MRPL43: variants seen among roughly 807,000 people sequenced by gnomAD.
MRPL43 encodes large ribosomal subunit protein mL43.
In MRPL43, 9 loss-of-function variants were observed where a neutral mutation model predicts 12.7. The observed-to-expected ratio is 0.71, with a 90% CI of 0.43 to 1.24. MRPL43 has a LOEUF of 1.24. Among genes scored for constraint, MRPL43 ranks in the 50% most tolerant of loss-of-function variants. MRPL43 has a pLI of 0.00. For missense variants in MRPL43, 211 were observed against 229.2 expected (o/e 0.92, Z 0.51); for synonymous variants, 116 against 96.4 (o/e 1.20, Z -1.19).
At chr10:100,980,883 G>A (rs147992447), downstream of MRPL43, 1,168 of 1,610,152 alleles carry the variant, frequency 7.3e-4, 3 homozygotes, top group Non-Finnish European at 7.8e-4. Flanking sequence ...AGCTGCTCCC[G>A]CTACCGATCC....
At chr10:100,982,800 A>G (rs921060743), downstream of MRPL43, among the ~76,000 whole-genome samples, 9 of 152,348 alleles carry the variant, frequency 5.9e-5, no homozygotes, top group Admixed American at 4.6e-4. Context: ...TCAAAAAAAC[A>G]AAACAAAACA....
At chr10:100,981,791 C>A (rs1313019439), downstream of MRPL43, among the ~76,000 whole-genome samples, 2 of 152,164 alleles carry the variant, frequency 1.3e-5, no homozygotes, top group African/African-American at 4.8e-5. Context: ...AGTACAGTGG[C>A]TCACGCCTGT....
At chr10:100,984,018 A>G (rs962140588), downstream of MRPL43, 2 of 1,613,430 alleles carry the variant, frequency 1.2e-6, no homozygotes, top group African/African-American at 2.7e-5. Context: ...TCTGAGGCAG[A>G]GCAACAATGG....
downstream of MRPL43, chr10:100,983,740 G>T (rs527848892): frequency 6.2e-7 from 1 of 1,613,008 alleles, no homozygotes; most frequent in Non-Finnish European, 8.5e-7. Flanking sequence ...CGAGGGCGCC[G>T]ACGGAAATAC....
rs1162597481 is a variant in MRPL43, at chr10:100,987,165, C to T, written c.163G>A (p.Ala55Thr). The change falls in exon 2 of 3, where the codon GCC becomes ACC. Residue 55 changes from alanine to threonine, a missense_variant. Ala to Thr is a moderately conservative substitution (Grantham distance 58, BLOSUM62 0). Transcript: ENST00000318364. The part of the protein sequence containing the change: ...EFVEREVIDF[A>T]RRNPGVVIYV... The stretch of plus-strand genomic sequence containing the variant: ...ATTACGACCCCTGGATTCCGTCGGG[C>T]GAAGTCGATCACCTCCCGCTCCACG... 5 of 1,613,764 alleles carry T rather than the reference C, an allele frequency of 3.1e-6. No individual in the cohort carries two copies. Among genetic ancestry groups the T allele is most frequent in the Non-Finnish European group, 4.2e-6 (5 of 1,180,042 alleles).
At chr10:100,986,056 G>A (rs1374399301), downstream of MRPL43, among the ~76,000 whole-genome samples, 1 of 152,198 alleles carries the variant, frequency 6.6e-6, no homozygotes, top group Non-Finnish European at 1.5e-5. Flanking sequence ...GGACGTGGGG[G>A]GAAGGAGATG....
chr10:100,983,405 C>A, downstream of MRPL43: 12 of 1,612,406 alleles, frequency 7.4e-6, no homozygotes, highest in Non-Finnish European at 8.5e-6. Flanking sequence ...TGTGGCTACT[C>A]AATGGGAGCA....
At chr10:100,978,536 T>C, downstream of MRPL43, 1 of 1,614,076 alleles carries the variant, frequency 6.2e-7, no homozygotes, top group Non-Finnish European at 8.5e-7. Context: ...GATGGAGGCC[T>C]CTACACAGCC....
downstream of MRPL43, chr10:100,978,234 C>A: frequency 7.7e-7 from 1 of 1,302,878 alleles, no homozygotes; most frequent in Non-Finnish European, 1.1e-6. Context: ...ACTGATCTGA[C>A]TTTGAGCCAC....
downstream of MRPL43, chr10:100,980,033 C>T (rs769389281): frequency 1.2e-6 from 2 of 1,613,564 alleles, no homozygotes; most frequent in African/African-American, 2.7e-5. Flanking sequence ...GTAGACAGAG[C>T]CCAGGGAAGG....
downstream of MRPL43, chr10:100,986,247 G>A: frequency 8.0e-7 from 1 of 1,253,586 alleles, no homozygotes; most frequent in Non-Finnish European, 1.0e-6. Context: ...CTTAACATAT[G>A]CACACATTTT....
downstream of MRPL43, chr10:100,978,064 A>C: frequency 1.7e-6 from 1 of 580,470 alleles, no homozygotes; most frequent in South Asian, 2.0e-5. Context: ...TTCATAGATA[A>C]GGAGTGAATC....
chr10:100,980,184 C>T, downstream of MRPL43: 2 of 1,614,248 alleles, frequency 1.2e-6, no homozygotes, highest in Non-Finnish European at 1.7e-6. Flanking sequence ...CATCCCTGGT[C>T]CTGGACTTTG....
downstream of MRPL43, chr10:100,978,385 A>T (rs769933802): frequency 7.4e-6 from 12 of 1,612,830 alleles, no homozygotes; most frequent in African/African-American, 1.6e-4. Context: ...AGGCCTCATC[A>T]TTGGTGAGCA....
downstream of MRPL43, chr10:100,983,597 C>T: frequency 6.2e-7 from 1 of 1,614,146 alleles, no homozygotes; most frequent in South Asian, 1.1e-5. Context: ...CTCCAAAAGC[C>T]CCTGCCACAC....
chr10:100,980,099 A>C (rs748698836), downstream of MRPL43: 7 of 1,613,440 alleles, frequency 4.3e-6, no homozygotes, highest in South Asian at 2.2e-5. Flanking sequence ...CCCGAGGTTC[A>C]CCACCTTCGT....
downstream of MRPL43, chr10:100,983,529 C>T (rs539263557): frequency 1.9e-6 from 3 of 1,614,178 alleles, no homozygotes; most frequent in Admixed American, 3.3e-5. Context: ...GGAAAATGGC[C>T]TCCGCACCCT....
downstream of MRPL43, chr10:100,981,152 T>C (rs753523560): frequency 1.9e-6 from 3 of 1,614,150 alleles, no homozygotes; most frequent in Non-Finnish European, 2.5e-6. Context: ...TCATAAAACC[T>C]GATCTTCTGT....
At chr10:100,982,186 T>C (rs899787614), downstream of MRPL43, among the ~76,000 whole-genome samples, 5 of 150,966 alleles carry the variant, frequency 3.3e-5, no homozygotes, top group African/African-American at 1.2e-4. Flanking sequence ...GCAGAGGACA[T>C]GGGGTAATGG....
Sources: allele counts gnomAD v4.1 joint callset (sites outside exome capture counted in the v4.1 genomes callset), GRCh38; gene constraint gnomAD v4.1.1; transcripts MANE v1.5; gene names NCBI Gene and HGNC (gene_info 2026-07-23, HGNC 2026-07-21).